CEP72: variants seen among roughly 807,000 people sequenced by gnomAD.
CEP72 encodes centrosomal protein 72, also known as centrosomal protein of 72 kDa.
In CEP72, 78 loss-of-function variants were observed where a neutral mutation model predicts 65.7. The observed-to-expected ratio is 1.19, with a 90% confidence interval of 0.99 to 1.43. CEP72 has a LOEUF of 1.43. CEP72 is among the 40% of genes most tolerant of loss of function. The probability of loss-of-function intolerance (pLI) is 0.00; values close to 1 mark genes in which losing one functional copy is unlikely to be tolerated. For missense variants in CEP72, 914 were observed against 832.9 expected (o/e 1.10, Z -1.20); for synonymous variants, 358 against 351.7 (o/e 1.02, Z -0.20).
At chr5:620,942 T>C (rs1337780929) in intron 3 of CEP72, among the ~76,000 whole-genome samples, 1 of 152,214 alleles carries the variant, frequency 6.6e-6, no homozygotes, top group Non-Finnish European at 1.5e-5. Flanking sequence ...GTGTCTCTGC[T>C]GACCCTACCC....
intron 7 of CEP72, among the ~76,000 whole-genome samples, chr5:638,549 G>A (rs945555251): frequency 6.6e-5 from 10 of 151,188 alleles, no homozygotes; most frequent in African/African-American, 1.5e-4. Flanking sequence ...AGGCAGCTCC[G>A]TAGCAGCATG....
intron 10 of CEP72, among the ~76,000 whole-genome samples, chr5:646,089 T>C (rs1053371840): frequency 2.0e-5 from 3 of 151,704 alleles, no homozygotes; most frequent in East Asian, 1.9e-4. Flanking sequence ...TTGCTCCCAT[T>C]GGCGGCCTGT....
downstream of CEP72, among the ~76,000 whole-genome samples, chr5:671,502 G>T (rs1740223149): frequency 6.6e-6 from 1 of 152,238 alleles, no homozygotes; most frequent in African/African-American, 2.4e-5. Flanking sequence ...GACCTGTGTT[G>T]CCTGGTCAGG....
rs4956958 is a variant in CEP72, at chr5:628,702, T to C, written c.512+4123T>C. The stretch of plus-strand genomic sequence containing the variant: ...TCAGGTCACAGGCCCCGGGGAGTGT[T>C]CCCAGGACCCAGCCCCCTTCTTTGT... On this transcript the variant is annotated intron_variant, in intron 4 of 11. Transcript: ENST00000264935. 3.0e-3 allele frequency among the ~76,000 whole-genome samples: 176 copies of C among 58,236 alleles called. 1 individual carries two copies. The highest frequency in any genetic ancestry group is 0.022 in the Middle Eastern group (1 of 46). 38.2% of individuals were successfully genotyped at this position (58,236 alleles called of 152,430 possible).
chr5:629,726 G>A (rs1478513515), intron 4 of CEP72, among the ~76,000 whole-genome samples: 1 of 43,082 alleles, frequency 2.3e-5, no homozygotes, highest in Non-Finnish European at 3.7e-5. Context: ...GTCCAGTGCC[G>A]GGATTTGACT....
rs754983251 is a variant in CEP72, at chr5:637,879, AC to A, written c.1206+62del. 266 of 1,431,210 alleles carry A rather than the reference AC, an allele frequency of 1.9e-4. 1 individual carries two copies. Among genetic ancestry groups the A allele is most frequent in the Non-Finnish European group, 4.1e-5 (44 of 1,078,408 alleles). 88.7% of individuals were successfully genotyped at this position (1,431,210 alleles called of 1,614,324 possible). A position where few individuals can be genotyped will look rare whatever the true frequency, so the allele number is the denominator to read the frequency against. On this transcript the variant is annotated intron_variant, in intron 7 of 11. Transcript: ENST00000264935. Reference sequence around the variant, plus strand: ...ACTGCCTCCCTAATGTGGGGCTGTTACGGCTTTGGCGGGGCCGTGATTACGC... The same window carrying A: ...ACTGCCTCCCTAATGTGGGGCTGTTAGGCTTTGGCGGGGCCGTGATTACGC...
downstream of CEP72, chr5:661,661 T>G (rs557254090): frequency 6.6e-6 from 1 of 152,528 alleles, no homozygotes; most frequent in Admixed American, 6.5e-5. Flanking sequence ...TTATGTGCAG[T>G]GGGGCTGCCG....
intron 4 of CEP72, among the ~76,000 whole-genome samples, chr5:627,099 C>G (rs1736804722): frequency 6.6e-6 from 1 of 152,196 alleles, no homozygotes; most frequent in Admixed American, 6.5e-5. Flanking sequence ...GATATACTTT[C>G]TTCTGTACAG....
chr5:673,342 A>AC, the CEP72 span, among the ~76,000 whole-genome samples: 10 of 151,560 alleles, frequency 6.6e-5, no homozygotes, highest in South Asian at 2.1e-4. Context: ...GATCACAGGG[A>AC]CCCCCCGAGG....
chr5:647,693 AT>A, intron 10 of CEP72, 111 bp from the exon 11 acceptor site: 1 of 725,892 alleles, frequency 1.4e-6, no homozygotes, highest in South Asian at 1.8e-5. Context: ...TTCCAGCTAT[AT>A]TCTTTTTCTG....
In CEP72 at chr5:624,481, C is replaced by G; in HGVS notation, c.414C>G (p.Pro138=). The change falls in exon 4 of 12, where the codon CCC becomes CCG. Residue 138 remains proline, a synonymous_variant. Transcript: ENST00000264935. This position sits in a 1 kb window ranked among gnomAD's most constrained non-coding sequence, Gnocchi z 4.7. ...LPKLQQLDDR[P]VRASERKASR... ...GGCCTTTTCTTCTAGACGATCGCCCCGTGAGAGCAAGCGAGCGGAAGGCTT... is the reference window on the plus strand; with the variant it reads ...GGCCTTTTCTTCTAGACGATCGCCCGGTGAGAGCAAGCGAGCGGAAGGCTT... The G allele has an allele frequency of 6.2e-7, 1 of 1,613,922 alleles. No homozygotes were observed. The highest frequency in any genetic ancestry group is 8.5e-7 in the Non-Finnish European group (1 of 1,179,760).
chr5:613,364 G>A (rs1347042927), intron 1 of CEP72, among the ~76,000 whole-genome samples: 1 of 152,006 alleles, frequency 6.6e-6, no homozygotes, highest in Non-Finnish European at 1.5e-5. Flanking sequence ...ATCTCCCCAA[G>A]GAGATCTGAG....
chr5:648,032 T>G (rs1738539462), intron 11 of CEP72, 116 bp downstream of exon 11: 1 of 643,748 alleles, frequency 1.6e-6, no homozygotes, highest in Non-Finnish European at 2.8e-6. Flanking sequence ...CTCATGAGTC[T>G]TGGCCGATGA....
In CEP72 at chr5:653,374, A is replaced by G. The variant is rs1454886733; in HGVS notation, c.*221A>G. ...AAGCCCTCTGCATGTTTTCAGACAG[A>G]ACACATTGACATATTTTGAGACAAA... is the stretch of plus-strand genomic sequence containing the variant. On this transcript the variant is annotated 3_prime_UTR_variant, in exon 12 of 12. Coordinates refer to ENST00000264935, the MANE Select transcript of CEP72 (RefSeq NM_018140.4). The G allele has an allele frequency of 1.2e-5, 5 of 427,460 alleles. No individual in the cohort carries two copies. Among genetic ancestry groups the G allele is most frequent in the Non-Finnish European group, 2.1e-5 (5 of 242,482 alleles). 26.5% of individuals were successfully genotyped at this position (427,460 alleles called of 1,614,324 possible).
At chr5:666,212 A>G (rs1049947870) in intron 4 of CEP72, 4 of 1,443,082 alleles carry the variant, frequency 2.8e-6, no homozygotes, top group South Asian at 1.3e-5. Flanking sequence ...CTGGACAGCC[A>G]TGGCCCAGCA....
chr5:642,348 G>A, intron 9 of CEP72: 1 of 985,316 alleles, frequency 1.0e-6, no homozygotes, highest in Non-Finnish European at 1.2e-6. Context: ...AGCACACATG[G>A]CCCCTTCTCT....
At position 648,733 on chromosome 5, in the gene CEP72, G is replaced by A. The variant is rs1204702817; in HGVS notation, c.1778+817G>A. Among the ~76,000 whole-genome samples, 2 of 65,772 alleles carry A rather than the reference G, an allele frequency of 3.0e-5. 1 individual carries two copies. Among genetic ancestry groups the A allele is most frequent in the Admixed American group, 3.5e-4 (2 of 5,634 alleles). The allele number at this position is 65,772 out of a possible 152,430, so 43.1% of individuals were successfully genotyped here. A position where few individuals can be genotyped will look rare whatever the true frequency, so the allele number is the denominator to read the frequency against. On this transcript the variant is annotated intron_variant, in intron 11 of 11. Coordinates refer to ENST00000264935, the MANE Select transcript of CEP72 (RefSeq NM_018140.4). ...GCGTGACTGTGAGGCGTGACTGTGA[G>A]GCATGACTGTGAGGTGTGGACTGTG...
chr5:642,913 T>G (rs3792720), intron 9 of CEP72: 182,668 of 985,402 alleles, frequency 0.19, 18,032 homozygotes, highest in Non-Finnish European at 0.2. Flanking sequence ...TTGCTTCCTT[T>G]GGAAGCTGCA....
chr5:637,797 G>T lies in CEP72; in HGVS notation c.1185G>T (p.Arg395=). 1.3e-6 allele frequency: 2 copies of T among 1,580,472 alleles called. No individual in the cohort carries two copies. Among genetic ancestry groups the T allele is most frequent in the African/African-American group, 2.7e-5 (2 of 74,244 alleles). ...EASETEEQRS[R]GVTDTREPSP... is the part of the protein sequence containing the mutation. ...CGGAGACTGAGGAGCAGAGGTCTCG[G>T]GGTGTGACCGACACCAGAGAGGTGA... The change falls in exon 7 of 12, where the codon CGG becomes CGT. Residue 395 remains arginine, a synonymous_variant. Coordinates refer to ENST00000264935, the MANE Select transcript of CEP72 (RefSeq NM_018140.4).
Sources: allele counts gnomAD v4.1 joint callset (sites outside exome capture counted in the v4.1 genomes callset), GRCh38; gene constraint gnomAD v4.1.1; non-coding constraint Gnocchi (gnomAD v3.1); transcripts MANE v1.5; gene names NCBI Gene and HGNC (gene_info 2026-07-23, HGNC 2026-07-21).